The following CPLANE1 variants were observed in gnomAD, a reference collection of about 807,000 sequenced individuals.
The protein encoded by CPLANE1 is ciliogenesis and planar polarity effector complex subunit 1, also known as ciliogenesis and planar polarity effector 1.
Under a neutral mutation model 362.5 loss-of-function variants are expected in CPLANE1, and 263 were observed. The observed-to-expected ratio is 0.73, with a 90% CI of 0.66 to 0.80. CPLANE1 has a LOEUF of 0.80. Ranked by LOEUF, CPLANE1 falls within the 30% of genes least tolerant of loss-of-function variation. The pLI is 0.00. For missense variants in CPLANE1, 3,461 were observed against 3,793.4 expected, an observed-to-expected ratio of 0.91 and a Z score of 2.30; for synonymous variants, 1,212 against 1,302.6, an observed-to-expected ratio of 0.93 and a Z score of 1.50.
chr5:37,139,498 A>G lies in CPLANE1; in HGVS notation c.8633-128T>C, dbSNP rs547301109. 82 of 1,085,984 alleles carry G rather than the reference A, an allele frequency of 7.6e-5. 2 individuals are homozygous for G. In the South Asian group the frequency reaches 1.5e-3, roughly 20 times the overall value. 67.3% of individuals were successfully genotyped at this position (1,085,984 alleles called of 1,614,324 possible). A position where few individuals can be genotyped will look rare whatever the true frequency, so the allele number is the denominator to read the frequency against. ...TTTAAACTTCCAAATTGGTTTATAG[A>G]TATATATTTACAGCATATTTATCCT... is the stretch of plus-strand genomic sequence containing the variant. On this transcript the variant is annotated intron_variant, in intron 44 of 52. Transcript: ENST00000651892.
At chr5:37,248,606 C>T (rs1740664622) in intron 1 of CPLANE1, among the ~76,000 whole-genome samples, 1 of 152,124 alleles carries the variant, frequency 6.6e-6, no homozygotes, top group Non-Finnish European at 1.5e-5. Flanking sequence ...GTGATTGTGC[C>T]TGTGAGAGCC....
intron 32 of CPLANE1, among the ~76,000 whole-genome samples, chr5:37,173,040 A>G (rs917766000): frequency 4.6e-5 from 7 of 152,196 alleles, no homozygotes; most frequent in African/African-American, 1.7e-4. Context: ...GAGAATCATC[A>G]ATATGGAAAT....
At chr5:37,200,971 A>C (rs1333873701) in intron 19 of CPLANE1, among the ~76,000 whole-genome samples, 1 of 152,114 alleles carries the variant, frequency 6.6e-6, no homozygotes, top group Non-Finnish European at 1.5e-5. Flanking sequence ...CTACAGGCAC[A>C]TGCCACGATG....
At chr5:37,224,505 G>T in intron 13 of CPLANE1, 27 bp downstream of exon 13, 1 of 1,457,420 alleles carries the variant, frequency 6.9e-7, no homozygotes, top group Non-Finnish European at 9.4e-7. Context: ...TATTCATGGA[G>T]TTAGAAAATA....
downstream of CPLANE1, among the ~76,000 whole-genome samples, chr5:37,106,019 T>A (rs552843911): frequency 6.6e-6 from 1 of 152,242 alleles, no homozygotes; most frequent in South Asian, 2.1e-4. Flanking sequence ...ATTGCTGGAA[T>A]AGTCATTTCC....
Position 37,107,242 on chromosome 5 carries a change from T to C in CPLANE1, c.*360A>G, listed in dbSNP as rs1164912393. On this transcript the variant is annotated 3_prime_UTR_variant, in exon 53 of 53. Coordinates refer to ENST00000651892, the MANE Select transcript of CPLANE1 (RefSeq NM_001384732.1). ...TTTTCCTATTAGATTCATCTGTATA[T>C]GGTTGTTTCTCAAAACTCAGAGGGT... 9 of 1,012,106 alleles carry C rather than the reference T, an allele frequency of 8.9e-6. No homozygotes were observed. Among genetic ancestry groups the C allele is most frequent in the Non-Finnish European group, 8.3e-6 (7 of 847,910 alleles). 62.7% of individuals were successfully genotyped at this position (1,012,106 alleles called of 1,614,324 possible).
chr5:37,128,800 A>C (rs747082263), intron 46 of CPLANE1, among the ~76,000 whole-genome samples: 16 of 151,940 alleles, frequency 1.1e-4, no homozygotes, highest in Non-Finnish European at 2.1e-4. Flanking sequence ...CAGAGGTTGC[A>C]GTGAGCTGAG....
intron 16 of CPLANE1, among the ~76,000 whole-genome samples, chr5:37,207,523 C>A (rs377430312): frequency 6.6e-6 from 1 of 152,130 alleles, no homozygotes; most frequent in Admixed American, 6.5e-5. Context: ...AAGTTCACGA[C>A]CTTTTAAAAT....
intron 21 of CPLANE1, among the ~76,000 whole-genome samples, chr5:37,188,433 T>C (rs1050286651): frequency 1.3e-5 from 2 of 152,242 alleles, no homozygotes; most frequent in Non-Finnish European, 2.9e-5. Flanking sequence ...GTGTAGGCTC[T>C]GTAGACAGAG....
chr5:37,247,482 A>T, intron 2 of CPLANE1, 136 bp downstream of exon 2: 1 of 647,942 alleles, frequency 1.5e-6, no homozygotes, highest in Non-Finnish European at 2.5e-6. Context: ...GTGTGCAGGT[A>T]GGTGATCCTC....
rs1311307128 is a variant in CPLANE1 at position 37,210,807 on chromosome 5, T to C, written c.2920+2752A>G. ...TCAGCTGGCTCCTGAACTTGCGGTC[T>C]TTCAGAAAGAACTAAGGAGAGCAGA... On this transcript the variant is annotated intron_variant, in intron 16 of 52. Coordinates refer to ENST00000651892, the MANE Select transcript of CPLANE1 (RefSeq NM_001384732.1). 4.6e-6 allele frequency: 5 copies of C among 1,091,372 alleles called. No individual in the cohort carries two copies. The African/African-American group carries it at 6.2e-5, about 14-fold the overall frequency. 67.6% of individuals were successfully genotyped at this position (1,091,372 alleles called of 1,614,324 possible). A position where few individuals can be genotyped will look rare whatever the true frequency, so the allele number is the denominator to read the frequency against.
At position 37,249,366 on chromosome 5, in the gene CPLANE1, G is replaced by C. The variant is rs1476073306; in HGVS notation, c.-169C>G. ...ACCGCCAGCCCTGACGCGAGCCTGC[G>C]TCCTGGCGACGGCGGAGGGCGGGCA... On this transcript the variant is annotated 5_prime_UTR_variant, in exon 1 of 53. Coordinates refer to ENST00000651892, the MANE Select transcript of CPLANE1 (RefSeq NM_001384732.1). The C allele has an allele frequency of 6.6e-6, 1 of 152,348 alleles. No homozygotes were observed. The highest frequency in any genetic ancestry group is 1.5e-5 in the Non-Finnish European group (1 of 68,168). The allele number at this position is 152,348 out of a possible 1,614,324, so 9.4% of individuals were successfully genotyped here.
chr5:37,177,808 CTACAAGCAAGTGAGAAATCAAACAG>C, intron 29 of CPLANE1, 108 bp from the exon 30 acceptor site: 1 of 797,672 alleles, frequency 1.3e-6, no homozygotes, highest in East Asian at 2.5e-5. Flanking sequence ...TAACAACAGT[CTACAAGCAAGTGAGAAATCAAACAG>C]TAAAATGTAC....
chr5:37,201,982 G>T lies in CPLANE1; in HGVS notation c.3290-174C>A, dbSNP rs79298055. Among the ~76,000 whole-genome samples, 16,421 of 152,056 alleles carry T rather than the reference G, an allele frequency of 0.11. 959 individuals are homozygous for T. Among genetic ancestry groups the T allele is most frequent in the Admixed American group, 0.15 (2,229 of 15,268 alleles). On this transcript the variant is annotated intron_variant, in intron 18 of 52. Coordinates refer to ENST00000651892, the MANE Select transcript of CPLANE1 (RefSeq NM_001384732.1). ...ATTACAAACTATCTTGTTACTTTAA[G>T]ATTATAGGTAAGACCATGAGACATT... is the stretch of plus-strand genomic sequence containing the variant.
chr5:37,158,197 A>T (rs1258794774), intron 39 of CPLANE1, 27 bp downstream of exon 39: 1 of 1,610,522 alleles, frequency 6.2e-7, no homozygotes, highest in South Asian at 1.1e-5. Flanking sequence ...CAAAGGTATT[A>T]TTAAAACTTC....
At chr5:37,111,893 T>TA (rs3065142) in intron 51 of CPLANE1, among the ~76,000 whole-genome samples, 15,054 of 147,154 alleles carry the variant, frequency 0.1, 770 homozygotes, top group African/African-American at 0.12. Context: ...AACACTGTGT[T>TA]AAAAAAAAAA....
intron 17 of CPLANE1, 44 bp from the exon 18 acceptor site, chr5:37,205,498 A>G: frequency 7.1e-7 from 1 of 1,401,420 alleles, no homozygotes; most frequent in South Asian, 1.4e-5. Context: ...AAATTTTGAA[A>G]AAAAAGGAAA....
At chr5:37,212,832 T>C (rs1372918393) in intron 16 of CPLANE1, among the ~76,000 whole-genome samples, 3 of 152,238 alleles carry the variant, frequency 2.0e-5, no homozygotes, top group Admixed American at 1.3e-4. Flanking sequence ...CATTTTGACA[T>C]AAATGAAGGT....
At chr5:37,127,581 C>T (rs927662823) in intron 46 of CPLANE1, among the ~76,000 whole-genome samples, 2 of 145,832 alleles carry the variant, frequency 1.4e-5, no homozygotes, top group Non-Finnish European at 3.0e-5. Context: ...TGTAATGGCA[C>T]GATCTTGGCT....
Sources: gnomAD v4.1 joint callset for allele counts (sites outside exome capture counted in the v4.1 genomes callset) on GRCh38, gnomAD v4.1.1 for gene constraint, MANE v1.5 for transcripts, NCBI Gene and HGNC (gene_info 2026-07-23, HGNC 2026-07-21) for gene names.